The following PNP variants were observed in gnomAD, a reference collection of about 807,000 sequenced individuals.
PNP encodes purine nucleoside phosphorylase, also known as HEL-S-156an.
PNP carries 18 observed loss-of-function variants against 26.8 expected under a neutral mutation model. The observed-to-expected ratio is 0.67, with a 90% CI of 0.46 to 1.00. The LOEUF (loss-of-function observed/expected upper bound fraction) is 1.00. Among genes scored for constraint, PNP ranks in the 50% least tolerant of loss-of-function variants. PNP has a pLI of 0.00. For missense variants in PNP, 320 were observed against 362.9 expected, an observed-to-expected ratio of 0.88 and a Z score of 0.96; for synonymous variants, 116 against 124.8, an observed-to-expected ratio of 0.93 and a Z score of 0.47.
At chr14:20,476,346 G>A in intron 5 of PNP, 38 bp from the exon 6 acceptor site, 1 of 1,469,742 alleles carries the variant, frequency 6.8e-7, no homozygotes, top group East Asian at 2.3e-5. Flanking sequence ...AGTTATTTGA[G>A]GATCCTGACA....
At chr14:20,471,182 C>T (rs2139333776) in intron 1 of PNP, among the ~76,000 whole-genome samples, 1 of 150,712 alleles carries the variant, frequency 6.6e-6, no homozygotes, top group Admixed American at 6.6e-5. Context: ...AGGGGCCCGC[C>T]ACCACGCCCG....
chr14:20,473,923 T>C (rs1369269283), intron 2 of PNP: 1 of 160,826 alleles, frequency 6.2e-6, no homozygotes, highest in African/African-American at 2.4e-5. Context: ...GTTATATGGA[T>C]ATACTGCGTG....
At chr14:20,470,676 G>T (rs1413029778) in intron 1 of PNP, 1 of 152,306 alleles carries the variant, frequency 6.6e-6, no homozygotes, top group Admixed American at 6.5e-5. Context: ...CTGGGTAAGT[G>T]CCCTGAGGTT....
chr14:20,469,693 CAG>C (rs1260602701), intron 1 of PNP, 158 bp downstream of exon 1: 4 of 1,025,668 alleles, frequency 3.9e-6, no homozygotes, highest in African/African-American at 3.2e-5. Context: ...AGCAAGGCGG[CAG>C]AGTCATGCGG....
In PNP at chr14:20,474,885, G is replaced by A. The variant is rs761480383; in HGVS notation, c.398G>A (p.Arg133His). 1.6e-5 allele frequency: 26 copies of A among 1,614,134 alleles called. No homozygotes were observed. Among genetic ancestry groups the A allele is most frequent in the Admixed American group, 3.3e-5 (2 of 60,016 alleles). Reference sequence around the variant, plus strand: ...GAGGTTGGAGATATCATGCTGATCCGTGACCATATCAACCTACCTGGTTTC... The same window carrying A: ...GAGGTTGGAGATATCATGCTGATCCATGACCATATCAACCTACCTGGTTTC... ...KFEVGDIMLIRDHINLPGFSG... is the reference protein window; with the variant it reads ...KFEVGDIMLIHDHINLPGFSG... Residue 133 changes from arginine (R) to histidine (H), a missense_variant, in exon 4 of 6, where the codon CGT becomes CAT. By Grantham distance (29) the Arg-to-His change is conservative. Transcript: ENST00000361505.
chr14:20,471,336 A>G (rs1881983398), intron 1 of PNP, among the ~76,000 whole-genome samples: 2 of 150,688 alleles, frequency 1.3e-5, no homozygotes, highest in African/African-American at 4.9e-5. Context: ...GGCATGAGCC[A>G]CCGCGCCCAG....
rs1262866497 is a variant in PNP, at chr14:20,472,443, C to G, written c.147C>G (p.Asp49Glu). The change falls in exon 2 of 6, where the codon GAC becomes GAG. Residue 49 changes from aspartate (D) to glutamate (E), a missense_variant. Physicochemically the swap from Asp to Glu is conservative, Grantham distance 45. Transcript: ENST00000361505. ...TDKLTQAQIF[D>E]YGEIPNFPRS... The stretch of plus-strand genomic sequence containing the variant: ...AATTAACTCAGGCCCAGATCTTTGA[C>G]TACGGTGAAATCCCCAACTTTCCCC... 1.2e-6 allele frequency: 2 copies of G among 1,614,096 alleles called. No homozygotes were observed. The highest frequency in any genetic ancestry group is 3.3e-5 in the Admixed American group (2 of 60,030).
At position 20,471,428 on chromosome 14, in the gene PNP, G is replaced by T. The variant is rs553054155; in HGVS notation, c.12-880G>T. Among the ~76,000 whole-genome samples, 480 of 151,306 alleles carry T rather than the reference G, an allele frequency of 3.2e-3. 1 individual carries two copies. Among genetic ancestry groups the T allele is most frequent in the African/African-American group, 9.0e-3 (370 of 41,168 alleles). On this transcript the variant is annotated intron_variant, in intron 1 of 5. Coordinates refer to ENST00000361505, the MANE Select transcript of PNP (RefSeq NM_000270.4). Reference sequence around the variant, plus strand: ...GGGGGTTTTGTGTGTGTGTGTGTGTGTGTTTTTTATAGGGTCTCACTCTGT... The same window carrying T: ...GGGGGTTTTGTGTGTGTGTGTGTGTTTGTTTTTTATAGGGTCTCACTCTGT...
At chr14:20,474,266 A>T in intron 2 of PNP, 1 of 554,090 alleles carries the variant, frequency 1.8e-6, no homozygotes. Flanking sequence ...CATATCTCTA[A>T]TCTTGGGTTG....
chr14:20,475,101 C>G lies in PNP; in HGVS notation c.501C>G (p.Asp167Glu). ...DRFPAMSDAY[D>E]RTMRQRALST... is the part of the protein sequence containing the mutation. ...TCCCTGCCATGTCTGATGCCTACGA[C>G]CGGACTATGAGGCAGAGGGCTCTCA... Residue 167 changes from aspartate (D) to glutamate (E), a missense_variant, in exon 5 of 6, where the codon GAC becomes GAG. Physicochemically the swap from Asp to Glu is conservative, Grantham distance 45. Transcript: ENST00000361505. 1.2e-6 allele frequency: 2 copies of G among 1,614,186 alleles called. No individual in the cohort carries two copies. The highest frequency in any genetic ancestry group is 1.3e-5 in the African/African-American group (1 of 75,034).
At position 20,474,545 on chromosome 14, in the gene PNP, C is replaced by T. The variant is rs1882054737; in HGVS notation, c.255C>T (p.Phe85=). Residue 85 remains phenylalanine, a synonymous_variant, in exon 3 of 6, where the codon TTC becomes TTT. Coordinates refer to ENST00000361505, the MANE Select transcript of PNP (RefSeq NM_000270.4). ...GRACVMMQGR[F]HMYEGYPLWK... ...CCTGTGTGATGATGCAGGGCAGGTT[C>T]CACATGTATGAAGGGTACCCACTCT... 8 of 1,614,080 alleles carry T rather than the reference C, an allele frequency of 5.0e-6. No individual in the cohort carries two copies. The highest frequency in any genetic ancestry group is 6.8e-6 in the Non-Finnish European group (8 of 1,180,008).
rs104894452 is a variant in PNP, at chr14:20,475,175, A to T, written c.575A>T (p.Tyr192Phe). The T allele has an allele frequency of 6.2e-7, 1 of 1,614,082 alleles. No individual in the cohort carries two copies. Among genetic ancestry groups the T allele is most frequent in the Non-Finnish European group, 8.5e-7 (1 of 1,180,050 alleles). The change falls in exon 5 of 6, where the codon TAT becomes TTT. Residue 192 changes from tyrosine (Y) to phenylalanine (F), a missense_variant. Transcript: ENST00000361505. ...GEQRELQEGT[Y>F]VMVAGPSFET... is the part of the protein sequence containing the mutation. Reference sequence around the variant, plus strand: ...CAACGTGAGCTACAGGAAGGCACCTATGTGATGGTGGCAGGCCCCAGCTTT... The same window carrying T: ...CAACGTGAGCTACAGGAAGGCACCTTTGTGATGGTGGCAGGCCCCAGCTTT...
chr14:20,474,840 G>C lies in PNP; in HGVS notation c.353G>C (p.Gly118Ala), dbSNP rs1882064237. The C allele has an allele frequency of 3.1e-6, 5 of 1,614,232 alleles. No homozygotes were observed. Among genetic ancestry groups the C allele is most frequent in the Non-Finnish European group, 4.2e-6 (5 of 1,180,040 alleles). Reference sequence around the variant, plus strand: ...ACCCTGGTAGTCACCAATGCAGCAGGAGGGCTGAACCCCAAGTTTGAGGTT... The same window carrying C: ...ACCCTGGTAGTCACCAATGCAGCAGCAGGGCTGAACCCCAAGTTTGAGGTT... ...VDTLVVTNAA[G>A]GLNPKFEVGD... The change falls in exon 4 of 6, where the codon GGA (glycine) becomes GCA (alanine). Residue 118 changes from glycine (G) to alanine (A), a missense_variant. Gly to Ala is a moderately conservative substitution (Grantham distance 60, BLOSUM62 0). Coordinates refer to ENST00000361505, the MANE Select transcript of PNP (RefSeq NM_000270.4).
Position 20,474,898 on chromosome 14 carries a change from C to T in PNP, c.411C>T (p.Asn137=), listed in dbSNP as rs1318477622. Residue 137 remains asparagine (N), a synonymous_variant, in exon 4 of 6, where the codon AAC becomes AAT. Transcript: ENST00000361505. ...TCATGCTGATCCGTGACCATATCAA[C>T]CTACCTGGTTTCAGTGGTCAGAACC... ...GDIMLIRDHI[N]LPGFSGQNPL... 4 of 1,614,176 alleles carry T rather than the reference C, an allele frequency of 2.5e-6. No homozygotes were observed. The highest frequency in any genetic ancestry group is 2.2e-5 in the East Asian group (1 of 44,886).
rs397960222 is a variant in PNP, at chr14:20,471,197, A to ATTTT, written c.12-1089_12-1086dup. Among the ~76,000 whole-genome samples the ATTTT allele has an allele frequency of 1.7e-3, 157 of 90,646 alleles. 3 individuals are homozygous for ATTTT. Among genetic ancestry groups the ATTTT allele is most frequent in the African/African-American group, 5.8e-3 (123 of 21,104 alleles). The allele number at this position is 90,646 out of a possible 152,430, so 59.5% of individuals were successfully genotyped here. A position where few individuals can be genotyped will look rare whatever the true frequency, so the allele number is the denominator to read the frequency against. On this transcript the variant is annotated intron_variant, in intron 1 of 5. Transcript: ENST00000361505. ...AGGGGCCCGCCACCACGCCCGGCTA[A>ATTTT]TTTTTTTTTTTTTTTTTTTTTTTTT...
Position 20,474,962 on chromosome 14 carries a change from TC to T in PNP, c.461+16del. ...CAATGATGAAAGGTATGTATGTTAC[TC>T]CGTTTTTTTTAGGTGGGTAGGATTT... On this transcript the variant is annotated intron_variant, in intron 4 of 5. Transcript: ENST00000361505. 6.2e-7 allele frequency: 1 copy of T among 1,614,122 alleles called. No individual in the cohort carries two copies. Among genetic ancestry groups the T allele is most frequent in the Non-Finnish European group, 8.5e-7 (1 of 1,180,004 alleles).
chr14:20,471,197 A>ATTTTTTTTTTT (rs397960222), intron 1 of PNP, among the ~76,000 whole-genome samples: 747 of 90,626 alleles, frequency 8.2e-3, no homozygotes, highest in Non-Finnish European at 0.011. Flanking sequence ...CGCCCGGCTA[A>ATTTTTTTTTTT]TTTTTTTTTT....
chr14:20,476,558 CCATTCTTATGGCCAG>C lies in PNP; in HGVS notation c.833_847del (p.Leu278_Ile282del). On this transcript the variant is annotated inframe_deletion, in exon 6 of 6. Transcript: ENST00000361505. The stretch of plus-strand genomic sequence containing the variant: ...GCACAGAAATTGGAACAGTTTGTCT[CCATTCTTATGGCCAG>C]CATTCCACTCCCTGACAAAGCCAGT... 6.2e-7 allele frequency: 1 copy of C among 1,614,198 alleles called. No individual in the cohort carries two copies. The highest frequency in any genetic ancestry group is 1.1e-5 in the South Asian group (1 of 91,072).
chr14:20,474,290 AT>A, intron 2 of PNP, 181 bp from the exon 3 acceptor site: 1 of 601,244 alleles, frequency 1.7e-6, no homozygotes, highest in South Asian at 1.8e-5. Flanking sequence ...TTGTATAATT[AT>A]TAGTAATGCC....
Sources: gnomAD v4.1 joint callset for allele counts (sites outside exome capture counted in the v4.1 genomes callset) on GRCh38, gnomAD v4.1.1 for gene constraint, MANE v1.5 for transcripts, NCBI Gene and HGNC (gene_info 2026-07-23, HGNC 2026-07-21) for gene names.